The following HELB variants were observed in gnomAD, a reference collection of about 807,000 sequenced individuals.
HELB encodes DNA 5'-3' helicase B.
A neutral mutation model predicts 101.7 loss-of-function variants in HELB; 96 were observed. The observed-to-expected ratio is 0.94, with a 90% CI of 0.80 to 1.12. HELB has a LOEUF of 1.12. Ranked by LOEUF, HELB falls within the 50% of genes most tolerant of loss-of-function variation. The probability of loss-of-function intolerance (pLI) is 0.00; values close to 1 mark genes in which losing one functional copy is unlikely to be tolerated. For synonymous variants in HELB, 437 were observed against 459.7 expected (o/e 0.95, Z 0.63); for missense variants, 1,210 against 1,291.9 (o/e 0.94, Z 0.97).
chr12:66,338,331 T>C (rs548385105), downstream of HELB: 1 of 339,942 alleles, frequency 2.9e-6, no homozygotes, highest in Non-Finnish European at 5.3e-6. Flanking sequence ...TTTATATACA[T>C]ATATATTTTT....
chr12:66,313,869 T>C, intron 4 of HELB, 117 bp from the exon 5 acceptor site: 1 of 815,048 alleles, frequency 1.2e-6, no homozygotes. Context: ...TTTGTGTTTC[T>C]TTACTTCCCA....
At chr12:66,325,206 T>C (rs1192017760) in intron 11 of HELB, 80 bp downstream of exon 11, 3 of 996,894 alleles carry the variant, frequency 3.0e-6, no homozygotes, top group African/African-American at 3.2e-5. Context: ...AAATTTTTGT[T>C]GCACTTATTA....
chr12:66,313,830 G>T (rs2053569690), intron 4 of HELB, among the ~76,000 whole-genome samples, 156 bp from the exon 5 acceptor site: 1 of 152,122 alleles, frequency 6.6e-6, no homozygotes, highest in African/African-American at 2.4e-5. Context: ...TATTTGGTCT[G>T]TCTGTTCTGC....
intron 11 of HELB, among the ~76,000 whole-genome samples, chr12:66,327,066 A>AAAAAATATATATATATATATAT (rs2053749764): frequency 4.3e-5 from 2 of 46,818 alleles, no homozygotes; most frequent in African/African-American, 2.6e-4. Context: ...AAAAAAAAAA[A>AAAAAATATATATATATATATAT]ATATATATAT....
intron 5 of HELB, among the ~76,000 whole-genome samples, chr12:66,314,563 C>A (rs1003196553): frequency 6.6e-6 from 1 of 152,056 alleles, no homozygotes; most frequent in African/African-American, 2.4e-5. Context: ...CCTCTTAAGT[C>A]CTTCCAATTC....
rs1230275448 is a variant in HELB at position 66,324,794 on chromosome 12, G to T, written c.2527-189G>T. ...TCAAAGACTGAAAACTTCTATTTGT[G>T]TTTATTAAAATATTTAGGTATAGAT... On this transcript the variant is annotated intron_variant, in intron 10 of 12. Transcript: ENST00000247815. 4 of 581,766 alleles carry T rather than the reference G, an allele frequency of 6.9e-6. No homozygotes were observed. The East Asian group carries it at 1.2e-4, about 18-fold the overall frequency. The allele number at this position is 581,766 out of a possible 1,614,324, so 36.0% of individuals were successfully genotyped here.
Position 66,323,987 on chromosome 12 carries a change from C to T in HELB, c.2302C>T (p.His768Tyr). Reference protein sequence around the residue: ...KHYTGHLTKDHQSRLVFGIGD... With the variant: ...KHYTGHLTKDYQSRLVFGIGD... Reference sequence around the variant, plus strand: ...TATTATCATTTTCTATCCCAGAGACCATCAGAGTAGACTTGTTTTTGGAAT... The same window carrying T: ...TATTATCATTTTCTATCCCAGAGACTATCAGAGTAGACTTGTTTTTGGAAT... The change falls in exon 10 of 13, where the codon CAT becomes TAT. Residue 768 changes from histidine to tyrosine, a missense_variant. By Grantham distance (83) the His-to-Tyr change is moderately conservative (BLOSUM62 2). Coordinates refer to ENST00000247815, the MANE Select transcript of HELB (RefSeq NM_001370285.1). 1 of 1,601,256 alleles carries T rather than the reference C, an allele frequency of 6.2e-7. No homozygotes were observed. Among genetic ancestry groups the T allele is most frequent in the Non-Finnish European group, 8.6e-7 (1 of 1,168,806 alleles).
chr12:66,333,785 G>A (rs964573800), intron 12 of HELB, among the ~76,000 whole-genome samples: 1 of 152,152 alleles, frequency 6.6e-6, no homozygotes, highest in Non-Finnish European at 1.5e-5. Context: ...CAGGGCCACG[G>A]GAATGAGTTG....
In HELB at chr12:66,331,294, G is replaced by A. The variant is rs748026827; in HGVS notation, c.2811G>A (p.Met937Ile). 1.2e-6 allele frequency: 2 copies of A among 1,614,192 alleles called. No individual in the cohort carries two copies. Among genetic ancestry groups the A allele is most frequent in the Admixed American group, 3.3e-5 (2 of 60,026 alleles). Residue 937 changes from methionine (M) to isoleucine (I), a missense_variant, in exon 12 of 13, where the codon ATG becomes ATA. This residue lies in a region of HELB where 740 missense variants were observed against 728.8 expected (regional missense o/e 1.02). Transcript: ENST00000247815. Reference sequence around the variant, plus strand: ...AGTCTCAGCTCCGGAATGCCATTATGAAAAACAGTTTTCCTAGAAAAACTC... The same window carrying A: ...AGTCTCAGCTCCGGAATGCCATTATAAAAAACAGTTTTCCTAGAAAAACTC... ...AEESQLRNAI[M>I]KNSFPRKTRL... is the part of the protein sequence containing the mutation.
chr12:66,333,653 C>A (rs1275516417), intron 12 of HELB, among the ~76,000 whole-genome samples: 1 of 152,074 alleles, frequency 6.6e-6, no homozygotes, highest in African/African-American at 2.4e-5. Context: ...CACTGCACTC[C>A]AGCATGGGCA....
Position 66,324,995 on chromosome 12 carries a change from G to A in HELB, c.2539G>A (p.Val847Ile), listed in dbSNP as rs199887842. The A allele has an allele frequency of 3.6e-5, 58 of 1,612,446 alleles. No individual in the cohort carries two copies. Among genetic ancestry groups the A allele is most frequent in the Non-Finnish European group, 1.7e-6 (2 of 1,178,740 alleles). The change falls in exon 11 of 13, where the codon GTA (valine) becomes ATA (isoleucine). Residue 847 changes from valine to isoleucine, a missense_variant. Val to Ile is a conservative substitution (Grantham distance 29, BLOSUM62 3). Transcript: ENST00000247815. ...IFFITNDVTD[V>I]TFGKRRSLTI... ...GGTTTGGTGACAGGATGTAACTGAT[G>A]TAACTTTTGGAAAGAGAAGATCTTT...
intron 4 of HELB, among the ~76,000 whole-genome samples, chr12:66,313,160 A>G (rs1309460228): frequency 6.6e-6 from 1 of 152,130 alleles, no homozygotes; most frequent in Non-Finnish European, 1.5e-5. Flanking sequence ...GGTAGGAAAT[A>G]TGAAGGCTTT....
Position 66,310,453 on chromosome 12 carries a change from C to G in HELB, c.1525C>G (p.Gln509Glu). ...AAAAAAAGCCTGTGAAGATTTTGAA[C>G]AAGACCAGAATGCTTCAGAAGAATG... ...EVKKACEDFE[Q>E]DQNASEEWIT... The change falls in exon 4 of 13, where the codon CAA (glutamine) becomes GAA (glutamate). Residue 509 changes from glutamine (Q) to glutamate (E), a missense_variant. Around this residue, in one of 2 missense-constraint regions of HELB, gnomAD observed 740 missense variants for 728.8 expected, o/e 1.02. Coordinates refer to ENST00000247815, the MANE Select transcript of HELB (RefSeq NM_001370285.1). 1 of 1,614,136 alleles carries G rather than the reference C, an allele frequency of 6.2e-7. No homozygotes were observed. Among genetic ancestry groups the G allele is most frequent in the Non-Finnish European group, 8.5e-7 (1 of 1,180,026 alleles).
chr12:66,310,870 G>A (rs1015198450), intron 4 of HELB, among the ~76,000 whole-genome samples: 10 of 152,176 alleles, frequency 6.6e-5, no homozygotes, highest in Non-Finnish European at 1.2e-4. Flanking sequence ...AGCAGAGGTT[G>A]CAGTAACTGA....
chr12:66,310,848 T>C (rs879667943), intron 4 of HELB, among the ~76,000 whole-genome samples: 19 of 152,058 alleles, frequency 1.2e-4, no homozygotes, highest in Admixed American at 1.2e-3. Context: ...GGAGAATCAT[T>C]TGAACCCAGG....
Position 66,314,733 on chromosome 12 carries a change from A to G in HELB, c.1859-509A>G, listed in dbSNP as rs182936535. Among the ~76,000 whole-genome samples the G allele has an allele frequency of 7.2e-5, 11 of 152,222 alleles. No homozygotes were observed. In the East Asian group the frequency reaches 2.1e-3, roughly 29 times the overall value. On this transcript the variant is annotated intron_variant, in intron 5 of 12. Coordinates refer to ENST00000247815, the MANE Select transcript of HELB (RefSeq NM_001370285.1). ...GTCTTTTAAGCAGTTGATTGTATTA[A>G]TGGCTTAAGCCTTCTCTCTGCTTCC...
At chr12:66,303,107 T>TTTA (rs898915603) in intron 1 of HELB, among the ~76,000 whole-genome samples, 29 of 127,600 alleles carry the variant, frequency 2.3e-4, no homozygotes, top group African/African-American at 7.9e-4. Context: ...TTTTTTTTTT[T>TTTA]AAAATTATTC....
intron 6 of HELB, among the ~76,000 whole-genome samples, chr12:66,317,162 A>T (rs1004473628): frequency 1.3e-5 from 2 of 151,962 alleles, no homozygotes; most frequent in Non-Finnish European, 2.9e-5. Flanking sequence ...GCACCATTGC[A>T]CTCTAACCTG....
chr12:66,335,487 C>T (rs1171690494), intron 12 of HELB, among the ~76,000 whole-genome samples: 2 of 151,978 alleles, frequency 1.3e-5, no homozygotes, highest in Admixed American at 6.6e-5. Flanking sequence ...GCGGAGGAAG[C>T]AGTGGAGGCA....
Sources: allele counts gnomAD v4.1 joint callset (sites outside exome capture counted in the v4.1 genomes callset), GRCh38; gene constraint gnomAD v4.1.1; regional missense constraint gnomAD v4.1.1; transcripts MANE v1.5; gene names NCBI Gene and HGNC (gene_info 2026-07-23, HGNC 2026-07-21).